The following MOB4 variants were observed in gnomAD, a reference collection of about 807,000 sequenced individuals.
MOB4 encodes the protein MOB-like protein phocein.
In MOB4, 4 loss-of-function variants were observed where a neutral mutation model predicts 32.2. The observed-to-expected ratio is 0.12, with a 90% confidence interval of 0.06 to 0.28. The LOEUF (loss-of-function observed/expected upper bound fraction) is 0.28, where lower values mean the gene tolerates loss of function less well. Ranked by LOEUF, MOB4 falls within the 10% of genes least tolerant of loss-of-function variation. The probability of loss-of-function intolerance (pLI) is 1.00; values close to 1 mark genes in which losing one functional copy is unlikely to be tolerated. For synonymous variants in MOB4, 88 were observed against 88.1 expected (o/e 1.00, Z 0.01); for missense variants, 158 against 271.2 (o/e 0.58, Z 2.93).
chr2:197,537,232 G>T (rs994671053), intron 3 of MOB4, among the ~76,000 whole-genome samples: 1 of 152,170 alleles, frequency 6.6e-6, no homozygotes, highest in Non-Finnish European at 1.5e-5. Flanking sequence ...TAGTGGATAG[G>T]TGGAGATAAC....
Position 197,523,679 on chromosome 2 carries a change from T to C in MOB4, c.116T>C (p.Val39Ala). The C allele has an allele frequency of 6.2e-7, 1 of 1,602,844 alleles. No homozygotes were observed. Among genetic ancestry groups the C allele is most frequent in the South Asian group, 1.1e-5 (1 of 87,610 alleles). The change falls in exon 2 of 8, where the codon GTT (valine) becomes GCT (alanine). Residue 39 changes from valine (V) to alanine (A), a missense_variant. Physicochemically the swap from Val to Ala is moderately conservative, Grantham distance 64 (BLOSUM62 0). This residue lies in a region of MOB4 where 25 missense variants were observed against 70.9 expected (regional missense o/e 0.35). Coordinates refer to ENST00000323303, the MANE Select transcript of MOB4 (RefSeq NM_015387.5). Reference sequence around the variant, plus strand: ...GATGAAATGGACAGTACACTAGCTGTTCAACAGGTAATAAAAATAGTTTCT... The same window carrying C: ...GATGAAATGGACAGTACACTAGCTGCTCAACAGGTAATAAAAATAGTTTCT... The part of the protein sequence containing the change: ...SFDEMDSTLA[V>A]QQYIQQNIRA...
chr2:197,542,438 A>G (rs1057304291), intron 5 of MOB4, among the ~76,000 whole-genome samples: 4 of 152,224 alleles, frequency 2.6e-5, no homozygotes, highest in African/African-American at 9.6e-5. Context: ...CTTAGTCAGG[A>G]AACTATAGGA....
At chr2:197,543,469 G>A (rs1419796986) in intron 5 of MOB4, among the ~76,000 whole-genome samples, 2 of 151,304 alleles carry the variant, frequency 1.3e-5, no homozygotes, top group African/African-American at 2.4e-5. Context: ...ACCACCGTGA[G>A]AATGGAGAAA....
At chr2:197,547,185 C>T (rs2087011009) in intron 5 of MOB4, among the ~76,000 whole-genome samples, 1 of 151,944 alleles carries the variant, frequency 6.6e-6, no homozygotes, top group African/African-American at 2.4e-5. Context: ...GTTGAGTAGG[C>T]TGAGGAGAAA....
At chr2:197,548,896 T>C (rs1559326010) in intron 6 of MOB4, among the ~76,000 whole-genome samples, 1 of 152,086 alleles carries the variant, frequency 6.6e-6, no homozygotes, top group African/African-American at 2.4e-5. Flanking sequence ...ATCTCTATGT[T>C]AGTTAGACTC....
rs1371170848 is a variant in MOB4, at chr2:197,534,204, C to T, written c.124-1326C>T. 2.6e-5 allele frequency among the ~76,000 whole-genome samples: 4 copies of T among 152,178 alleles called. No homozygotes were observed. In the South Asian group the frequency reaches 8.3e-4, roughly 31 times the overall value. ...GCAAGTGATATTCAAGAAAGATTGT[C>T]TGAAGTAGGCAAAATTGATTGGCTC... is the stretch of plus-strand genomic sequence containing the variant. On this transcript the variant is annotated intron_variant, in intron 2 of 7. Transcript: ENST00000323303.
chr2:197,528,638 C>T (rs1239298686), intron 2 of MOB4, among the ~76,000 whole-genome samples: 11 of 133,720 alleles, frequency 8.2e-5, no homozygotes, highest in Non-Finnish European at 1.4e-4. Flanking sequence ...TTTTTTGAGA[C>T]GGAGTCTCAC....
intron 2 of MOB4, among the ~76,000 whole-genome samples, chr2:197,528,125 A>G (rs1246258727): frequency 6.6e-6 from 1 of 152,080 alleles, no homozygotes; most frequent in Non-Finnish European, 1.5e-5. Context: ...TTTAATTGGT[A>G]TGTTCAGACC....
At chr2:197,524,234 T>G (rs1337697963) in intron 2 of MOB4, among the ~76,000 whole-genome samples, 2 of 151,906 alleles carry the variant, frequency 1.3e-5, no homozygotes, top group Non-Finnish European at 2.9e-5. Context: ...ATCTTGTATC[T>G]TAAAAAAATA....
At chr2:197,549,043 A>G (rs576533436) in intron 6 of MOB4, among the ~76,000 whole-genome samples, 5 of 152,264 alleles carry the variant, frequency 3.3e-5, no homozygotes, top group African/African-American at 9.6e-5. Context: ...AGCCTGAACA[A>G]CATGTAGAAA....
intron 1 of MOB4, among the ~76,000 whole-genome samples, chr2:197,517,223 A>G (rs141081772): frequency 0.012 from 1,850 of 152,316 alleles, 35 homozygotes; most frequent in African/African-American, 0.042. Flanking sequence ...CCAAGGATAC[A>G]TAGTCTCCTG....
chr2:197,523,706 T>C lies in MOB4; in HGVS notation c.123+20T>C. ...CAACAGGTAATAAAAATAGTTTCTT[T>C]TCACCCTGTGTCTTTTGGAGTACGA... On this transcript the variant is annotated intron_variant, in intron 2 of 7. Transcript: ENST00000323303. The C allele has an allele frequency of 6.3e-7, 1 of 1,598,056 alleles. No homozygotes were observed. Among genetic ancestry groups the C allele is most frequent in the South Asian group, 1.1e-5 (1 of 87,342 alleles).
rs59369562 is a variant in MOB4 at position 197,533,959 on chromosome 2, G to A, written c.124-1571G>A. 6.4e-3 allele frequency: 3,634 copies of A among 564,212 alleles called. 107 individuals carry two copies. The highest frequency in any genetic ancestry group is 0.064 in the African/African-American group (3,363 of 52,592). 35.0% of individuals were successfully genotyped at this position (564,212 alleles called of 1,614,324 possible). A position where few individuals can be genotyped will look rare whatever the true frequency, so the allele number is the denominator to read the frequency against. The stretch of plus-strand genomic sequence containing the variant: ...GAGACATTGGAAAAGAACCAAGCTG[G>A]GTCTAGAAGGAATTTTACATGAGAT... On this transcript the variant is annotated intron_variant, in intron 2 of 7. Transcript: ENST00000323303.
At position 197,540,080 on chromosome 2, in the gene MOB4, T is replaced by C. The variant is rs777237426; in HGVS notation, c.225-31T>C. 2.2e-5 allele frequency: 35 copies of C among 1,584,742 alleles called. No homozygotes were observed. In the African/African-American group the frequency reaches 3.2e-4, roughly 15 times the overall value. On this transcript the variant is annotated intron_variant, in intron 3 of 7. Coordinates refer to ENST00000323303, the MANE Select transcript of MOB4 (RefSeq NM_015387.5). Reference sequence around the variant, plus strand: ...TAAAAATTGCTGTGAAGAATAGATATGACTTTTTATTTATGTATTTGCATT... The same window carrying C: ...TAAAAATTGCTGTGAAGAATAGATACGACTTTTTATTTATGTATTTGCATT...
intron 2 of MOB4, among the ~76,000 whole-genome samples, chr2:197,534,606 G>A (rs536464431): frequency 2.2e-4 from 33 of 152,184 alleles, no homozygotes; most frequent in Admixed American, 9.8e-4. Context: ...GCAGTGGCAC[G>A]ATCTTGGTTC....
At chr2:197,535,379 A>T in intron 2 of MOB4, 151 bp from the exon 3 acceptor site, 1 of 547,526 alleles carries the variant, frequency 1.8e-6, no homozygotes, top group Non-Finnish European at 2.9e-6. Flanking sequence ...TTTCTTAGTT[A>T]CTGATTATGA....
At position 197,535,514 on chromosome 2, in the gene MOB4, ACTT is replaced by A. The variant is rs1232090818; in HGVS notation, c.124-12_124-10del. ...TGATATAATTTAATTAACCATAAGAACTTCTTTGTTTTTAGTATATTCAACAGA... is the reference window on the plus strand; with the variant it reads ...TGATATAATTTAATTAACCATAAGAACTTTGTTTTTAGTATATTCAACAGA... On this transcript the variant is annotated splice_polypyrimidine_tract_variant and intron_variant, in intron 2 of 7. Coordinates refer to ENST00000323303, the MANE Select transcript of MOB4 (RefSeq NM_015387.5). 2 of 1,578,636 alleles carry A rather than the reference ACTT, an allele frequency of 1.3e-6. No homozygotes were observed. The highest frequency in any genetic ancestry group is 1.7e-6 in the Non-Finnish European group (2 of 1,167,074).
At chr2:197,526,348 C>T (rs965136174) in intron 2 of MOB4, among the ~76,000 whole-genome samples, 18 of 152,054 alleles carry the variant, frequency 1.2e-4, no homozygotes, top group African/African-American at 3.4e-4. Flanking sequence ...GAGACAGTCT[C>T]GCTCTGTCAC....
chr2:197,533,114 T>A (rs1371324228), intron 2 of MOB4, among the ~76,000 whole-genome samples: 1 of 151,724 alleles, frequency 6.6e-6, no homozygotes, highest in Non-Finnish European at 1.5e-5. Flanking sequence ...CAAAAAAAAA[T>A]TTCTATCCAT....
Sources: allele counts gnomAD v4.1 joint callset (sites outside exome capture counted in the v4.1 genomes callset), GRCh38; gene constraint gnomAD v4.1.1; regional missense constraint gnomAD v4.1.1; transcripts MANE v1.5; gene names NCBI Gene and HGNC (gene_info 2026-07-23, HGNC 2026-07-21).